IL23R: variants seen among roughly 807,000 people sequenced by gnomAD.
The protein encoded by IL23R is interleukin-23 receptor.
In IL23R, 34 loss-of-function variants were observed where a neutral mutation model predicts 56.9. The ratio of observed to expected loss-of-function variants is 0.60; its 90% CI spans 0.45 to 0.80. The LOEUF is 0.80. Among genes scored for constraint, IL23R ranks in the 30% least tolerant of loss-of-function variants. The probability of loss-of-function intolerance (pLI) is 0.00; values close to 1 mark genes in which losing one functional copy is unlikely to be tolerated. For missense variants in IL23R, 635 were observed against 730.0 expected (o/e 0.87, Z 1.50); for synonymous variants, 230 against 249.2 (o/e 0.92, Z 0.73).
intron 1 of IL23R, 128 bp from the exon 2 acceptor site, chr1:67,167,964 C>T (rs1169503315): frequency 1.1e-5 from 7 of 620,236 alleles, no homozygotes; most frequent in Non-Finnish European, 2.0e-5. Context: ...TTCTTCCTTC[C>T]TTCTTTCCTT....
chr1:67,179,898 G>C (rs878886812), intron 3 of IL23R, among the ~76,000 whole-genome samples: 1 of 152,106 alleles, frequency 6.6e-6, no homozygotes, highest in Admixed American at 6.6e-5. Context: ...TTCAGGAGCA[G>C]GTTGTTCAGT....
intron 1 of IL23R, among the ~76,000 whole-genome samples, chr1:67,160,150 G>A (rs1041085978): frequency 6.6e-6 from 1 of 152,262 alleles, no homozygotes; most frequent in Non-Finnish European, 1.5e-5. Flanking sequence ...ACCGCGCCCA[G>A]CCTGGTACGT....
intron 9 of IL23R, among the ~76,000 whole-genome samples, chr1:67,248,772 G>T (rs944688451): frequency 3.9e-5 from 6 of 152,102 alleles, no homozygotes; most frequent in African/African-American, 1.4e-4. Flanking sequence ...TGGGCTCTGT[G>T]GGGGTGGGAC....
At chr1:67,165,204 G>A (rs777209859), upstream of IL23R, among the ~76,000 whole-genome samples, 1 of 152,092 alleles carries the variant, frequency 6.6e-6, no homozygotes, top group African/African-American at 2.4e-5. Flanking sequence ...GCAAGACTCT[G>A]TCTCAAAACA....
intron 4 of IL23R, among the ~76,000 whole-genome samples, chr1:67,189,718 G>A (rs1647604288): frequency 6.6e-6 from 1 of 152,214 alleles, no homozygotes; most frequent in Non-Finnish European, 1.5e-5. Flanking sequence ...GCTGAGGCAG[G>A]TGGATTGCTT....
intron 7 of IL23R, among the ~76,000 whole-genome samples, chr1:67,234,669 T>C (rs1459671868): frequency 6.6e-6 from 1 of 151,746 alleles, no homozygotes; most frequent in Non-Finnish European, 1.5e-5. Flanking sequence ...TTTTGCTAAA[T>C]TGAAAATTGT....
intron 1 of IL23R, among the ~76,000 whole-genome samples, chr1:67,148,448 T>A (rs1432446422): frequency 6.6e-6 from 1 of 152,252 alleles, no homozygotes; most frequent in Non-Finnish European, 1.5e-5. Context: ...ATGATTTGAC[T>A]ATTTCTTTAC....
At position 67,152,482 on chromosome 1, in the gene IL23R, A is replaced by T. The variant is rs182980422; in HGVS notation, c.-634+13321A>T. ...CCTGATTTCCCTGGCCAGAACTTCC[A>T]ATACTATGTTGAATTGGAGTGGTGA... On this transcript the variant is annotated intron_variant, in intron 1 of 10. Transcript: ENST00000637002. Among the ~76,000 whole-genome samples the T allele has an allele frequency of 4.2e-3, 643 of 152,276 alleles. 5 individuals are homozygous for T. Among genetic ancestry groups the T allele is most frequent in the Non-Finnish European group, 6.1e-3 (412 of 68,028 alleles).
chr1:67,192,820 C>T (rs78444100), intron 4 of IL23R, among the ~76,000 whole-genome samples: 295 of 152,282 alleles, frequency 1.9e-3, no homozygotes, highest in African/African-American at 6.8e-3. Flanking sequence ...TCATCTCTCA[C>T]TTGGGAGTAT....
rs761159118 is a variant in IL23R at position 67,258,676 on chromosome 1, C to G, written c.1438C>G (p.Leu480Val). ...DNTTVVYIPDLNTGYKPQISN... is the reference protein window; with the variant it reads ...DNTTVVYIPDVNTGYKPQISN... ...TACTACAGTTGTATATATTCCTGAT[C>G]TCAACACTGGATATAAACCCCAAAT... The change falls in exon 11 of 11, where the codon CTC (leucine) becomes GTC (valine). Residue 480 changes from leucine (L) to valine (V), a missense_variant. By Grantham distance (32) the Leu-to-Val change is conservative (BLOSUM62 1). Transcript: ENST00000347310. 7.4e-6 allele frequency: 12 copies of G among 1,613,914 alleles called. No homozygotes were observed. The highest frequency in any genetic ancestry group is 7.6e-6 in the Non-Finnish European group (9 of 1,179,914).
intron 9 of IL23R, among the ~76,000 whole-genome samples, chr1:67,241,011 A>T (rs1651811639): frequency 6.6e-6 from 1 of 152,354 alleles, no homozygotes; most frequent in South Asian, 2.1e-4. Flanking sequence ...ACGGGCACAT[A>T]CTACTAAGTT....
downstream of IL23R, among the ~76,000 whole-genome samples, chr1:67,261,129 A>G (rs1358314160): frequency 1.3e-5 from 2 of 151,328 alleles, no homozygotes; most frequent in African/African-American, 4.8e-5. Flanking sequence ...ATGGTCATTA[A>G]GTATCCTTGA....
At chr1:67,197,504 A>C (rs1648250335) in intron 4 of IL23R, among the ~76,000 whole-genome samples, 1 of 152,262 alleles carries the variant, frequency 6.6e-6, no homozygotes, top group Non-Finnish European at 1.5e-5. Flanking sequence ...CCATGTTACA[A>C]ATGAATCTGA....
At chr1:67,161,312 G>A (rs1218343589) in intron 1 of IL23R, among the ~76,000 whole-genome samples, 1 of 151,988 alleles carries the variant, frequency 6.6e-6, no homozygotes, top group Non-Finnish European at 1.5e-5. Context: ...TTTCCTTGAA[G>A]TTTTTCTTGT....
chr1:67,250,251 A>G lies in IL23R; in HGVS notation c.1149-5586A>G, dbSNP rs557033715. Among the ~76,000 whole-genome samples, 13 of 152,244 alleles carry G rather than the reference A, an allele frequency of 8.5e-5. No homozygotes were observed. In the East Asian group the frequency reaches 2.5e-3, roughly 29 times the overall value. ...AATTTTGGTGCCTAAATTTCCTTTC[A>G]TGTATCCTTTCATGACTTATGCAGA... On this transcript the variant is annotated intron_variant, in intron 9 of 10. Coordinates refer to ENST00000347310, the MANE Select transcript of IL23R (RefSeq NM_144701.3).
chr1:67,196,123 T>TA (rs1388089482), intron 4 of IL23R: 1 of 152,274 alleles, frequency 6.6e-6, no homozygotes, highest in Non-Finnish European at 1.5e-5. Flanking sequence ...GTATTAGATT[T>TA]AAAAAATCAG....
At chr1:67,156,255 C>CAG (rs1302371355) in intron 1 of IL23R, among the ~76,000 whole-genome samples, 5 of 152,202 alleles carry the variant, frequency 3.3e-5, no homozygotes, top group African/African-American at 7.2e-5. Flanking sequence ...CTCTCCAAGT[C>CAG]AGGAGGCACA....
upstream of IL23R, among the ~76,000 whole-genome samples, chr1:67,165,000 G>C (rs932192894): frequency 6.6e-6 from 1 of 152,172 alleles, no homozygotes; most frequent in Non-Finnish European, 1.5e-5. Flanking sequence ...TTGAGTTCAG[G>C]AGTTCAAGAC....
chr1:67,161,366 CATATA>C (rs1175074632), intron 1 of IL23R, among the ~76,000 whole-genome samples: 3 of 152,030 alleles, frequency 2.0e-5, no homozygotes, highest in African/African-American at 7.2e-5. Flanking sequence ...CAAATTATCA[CATATA>C]ATATACTCCT....
Sources: allele counts gnomAD v4.1 joint callset (sites outside exome capture counted in the v4.1 genomes callset), GRCh38; gene constraint gnomAD v4.1.1; transcripts MANE v1.5; gene names NCBI Gene and HGNC (gene_info 2026-07-23, HGNC 2026-07-21).